The following ERICH6B variants were observed in gnomAD, a reference collection of about 807,000 sequenced individuals.
The protein encoded by ERICH6B is glutamate-rich protein 6B.
In ERICH6B, 69 loss-of-function variants were observed where a neutral mutation model predicts 80.0. The observed-to-expected ratio is 0.86, with a 90% CI of 0.71 to 1.05. ERICH6B has a LOEUF of 1.05. Ranked by LOEUF, ERICH6B falls within the 50% of genes least tolerant of loss-of-function variation. ERICH6B has a pLI of 0.00. For missense variants in ERICH6B, 754 were observed against 796.1 expected, an observed-to-expected ratio of 0.95 and a Z score of 0.64; for synonymous variants, 283 against 291.9, an observed-to-expected ratio of 0.97 and a Z score of 0.31.
intron 2 of ERICH6B, among the ~76,000 whole-genome samples, chr13:45,602,241 G>A (rs1342479339): frequency 6.6e-6 from 1 of 152,138 alleles, no homozygotes; most frequent in East Asian, 1.9e-4. Context: ...CAGGAGGCTG[G>A]TACCTCTGCC....
At chr13:45,571,495 G>A (rs1170087597) in intron 8 of ERICH6B, among the ~76,000 whole-genome samples, 1 of 152,180 alleles carries the variant, frequency 6.6e-6, no homozygotes, top group Non-Finnish European at 1.5e-5. Flanking sequence ...TGAGTTGGGG[G>A]ACAGGGGGTA....
chr13:45,601,673 T>C (rs1219528014), intron 2 of ERICH6B, among the ~76,000 whole-genome samples: 1 of 152,180 alleles, frequency 6.6e-6, no homozygotes, highest in Admixed American at 6.5e-5. Context: ...TCATCAGGCC[T>C]TGTAAAAAGG....
intron 9 of ERICH6B, 111 bp downstream of exon 9, chr13:45,568,204 C>G: frequency 8.1e-7 from 1 of 1,229,842 alleles, no homozygotes; most frequent in African/African-American, 1.6e-5. Context: ...GGGAACCTGT[C>G]TGGTCCTGAC....
intron 10 of ERICH6B, 26 bp downstream of exon 10, chr13:45,563,701 G>C: frequency 6.5e-7 from 1 of 1,547,046 alleles, no homozygotes; most frequent in Non-Finnish European, 8.8e-7. Context: ...CCAGCACGTG[G>C]TGGAAAATGG....
chr13:45,576,320 A>G (rs1875402225), intron 7 of ERICH6B, among the ~76,000 whole-genome samples: 1 of 152,178 alleles, frequency 6.6e-6, no homozygotes, highest in African/African-American at 2.4e-5. Context: ...CAATTCTTCC[A>G]TCACTTCCCA....
chr13:45,546,105 C>T (rs997431010), intron 13 of ERICH6B, among the ~76,000 whole-genome samples: 1 of 152,174 alleles, frequency 6.6e-6, no homozygotes, highest in Admixed American at 6.5e-5. Context: ...GTTGCCCAGC[C>T]TTGTGCAGGG....
intron 5 of ERICH6B, among the ~76,000 whole-genome samples, chr13:45,586,136 A>G (rs1278558114): frequency 2.0e-5 from 3 of 152,146 alleles, no homozygotes; most frequent in Admixed American, 2.0e-4. Context: ...CACACGCTGA[A>G]AAAGGTCCCC....
intron 10 of ERICH6B, 78 bp downstream of exon 10, chr13:45,563,649 T>A (rs1258917292): frequency 7.8e-7 from 1 of 1,279,908 alleles, no homozygotes; most frequent in Non-Finnish European, 1.1e-6. Flanking sequence ...TTCTTTACAG[T>A]ACATGCAGAA....
chr13:45,615,026 C>A (rs1294247592), intron 1 of ERICH6B, among the ~76,000 whole-genome samples: 1 of 152,236 alleles, frequency 6.6e-6, no homozygotes, highest in Admixed American at 6.5e-5. Flanking sequence ...TTTCCTAGGA[C>A]CTTTTTTATA....
chr13:45,570,533 G>T (rs569572178), intron 8 of ERICH6B, among the ~76,000 whole-genome samples: 28 of 152,328 alleles, frequency 1.8e-4, no homozygotes, highest in Admixed American at 1.4e-3. Flanking sequence ...CCTCCAAATA[G>T]GAGGGCTTTA....
intron 8 of ERICH6B, among the ~76,000 whole-genome samples, chr13:45,569,211 C>T (rs952140441): frequency 7.9e-5 from 12 of 152,086 alleles, no homozygotes; most frequent in African/African-American, 1.9e-4. Context: ...CTGCAACCTC[C>T]GCCTCCCGGG....
intron 5 of ERICH6B, among the ~76,000 whole-genome samples, chr13:45,584,531 A>G (rs76711695): frequency 0.03 from 4,599 of 152,240 alleles, 218 homozygotes; most frequent in African/African-American, 0.1. Flanking sequence ...TTAAACTAGA[A>G]GTTCTCCATT....
At chr13:45,553,184 C>T in intron 11 of ERICH6B, 1 of 230,450 alleles carries the variant, frequency 4.3e-6, no homozygotes, top group Non-Finnish European at 8.8e-6. Flanking sequence ...CATGAGTTTC[C>T]TTTCTGTTCT....
intron 1 of ERICH6B, among the ~76,000 whole-genome samples, chr13:45,614,757 T>C (rs1308722587): frequency 3.3e-5 from 5 of 152,272 alleles, no homozygotes; most frequent in African/African-American, 1.2e-4. Context: ...CTTGTTGCTG[T>C]TATCATCTAC....
chr13:45,587,528 T>C lies in ERICH6B; in HGVS notation c.687-296A>G, dbSNP rs188016282. Among the ~76,000 whole-genome samples, 436 of 152,270 alleles carry C rather than the reference T, an allele frequency of 2.9e-3. 4 individuals carry two copies. Among genetic ancestry groups the C allele is most frequent in the Admixed American group, 7.3e-3 (111 of 15,302 alleles). ...TGACAGACGTTCCAGAACATTCTCCTTCCTCCCTGGCTCAAAACCCTGCTT... is the reference window on the plus strand; with the variant it reads ...TGACAGACGTTCCAGAACATTCTCCCTCCTCCCTGGCTCAAAACCCTGCTT... On this transcript the variant is annotated intron_variant, in intron 4 of 14. Coordinates refer to ENST00000298738, the MANE Select transcript of ERICH6B (RefSeq NM_182542.3).
intron 7 of ERICH6B, 93 bp from the exon 8 acceptor site, chr13:45,575,023 G>A (rs1875334952): frequency 1.2e-6 from 1 of 806,652 alleles, no homozygotes; most frequent in Non-Finnish European, 2.0e-6. Flanking sequence ...TAGATTGATG[G>A]TATTTACCTT....
intron 7 of ERICH6B, among the ~76,000 whole-genome samples, chr13:45,576,278 G>A (rs1875400389): frequency 6.6e-6 from 1 of 152,162 alleles, no homozygotes; most frequent in Admixed American, 6.5e-5. Flanking sequence ...TGCCGCGTAT[G>A]AGGTGGGCCC....
At chr13:45,601,954 G>T (rs539612535) in intron 2 of ERICH6B, among the ~76,000 whole-genome samples, 3 of 152,288 alleles carry the variant, frequency 2.0e-5, no homozygotes, top group South Asian at 4.1e-4. Context: ...TGTTATTATT[G>T]CACACTTATT....
chr13:45,605,379 C>A (rs571046998), intron 2 of ERICH6B, among the ~76,000 whole-genome samples: 20 of 152,324 alleles, frequency 1.3e-4, no homozygotes, highest in Non-Finnish European at 2.2e-4. Flanking sequence ...AGTATGGTCC[C>A]GCTTCTTCTC....
Sources: allele counts gnomAD v4.1 joint callset (sites outside exome capture counted in the v4.1 genomes callset), GRCh38; gene constraint gnomAD v4.1.1; transcripts MANE v1.5; gene names NCBI Gene and HGNC (gene_info 2026-07-23, HGNC 2026-07-21).